MAP4K5: variants seen among roughly 807,000 people sequenced by gnomAD.
The protein encoded by MAP4K5 is mitogen-activated protein kinase kinase kinase kinase 5.
MAP4K5 carries 82 observed loss-of-function variants against 135.6 expected under a neutral mutation model. The observed-to-expected ratio is 0.60, with a 90% CI of 0.51 to 0.73. MAP4K5 has a LOEUF of 0.73. Ranked by LOEUF, MAP4K5 falls within the 30% of genes least tolerant of loss-of-function variation. The pLI, the probability that MAP4K5 is intolerant of heterozygous loss-of-function variation, is 0.00. For missense variants in MAP4K5, 907 were observed against 1,010.9 expected (o/e 0.90, Z 1.39); for synonymous variants, 347 against 335.0 (o/e 1.04, Z -0.39).
intron 2 of MAP4K5, among the ~76,000 whole-genome samples, chr14:50,515,782 C>T (rs974692553): frequency 3.9e-5 from 6 of 152,138 alleles, no homozygotes; most frequent in African/African-American, 1.4e-4. Context: ...CTCACCTATC[C>T]TAACTGATCA....
chr14:50,423,832 G>A (rs1268404551), intron 31 of MAP4K5, among the ~76,000 whole-genome samples: 2 of 152,164 alleles, frequency 1.3e-5, no homozygotes, highest in African/African-American at 2.4e-5. Flanking sequence ...CAAAGTGCCC[G>A]CAGTTTGTAT....
At chr14:50,472,312 T>C (rs554342943) in intron 9 of MAP4K5, 3 of 152,338 alleles carry the variant, frequency 2.0e-5, no homozygotes, top group Admixed American at 1.3e-4. Flanking sequence ...TGAAATAACA[T>C]ACTTCATAGA....
At chr14:50,442,224 A>G (rs757331849) in intron 21 of MAP4K5, among the ~76,000 whole-genome samples, 1 of 152,140 alleles carries the variant, frequency 6.6e-6, no homozygotes, top group Non-Finnish European at 1.5e-5. Context: ...CCTGTAACAC[A>G]AATTCCACAA....
At chr14:50,474,966 C>G (rs979400959) in intron 9 of MAP4K5, 111 bp downstream of exon 9, 3 of 895,470 alleles carry the variant, frequency 3.4e-6, no homozygotes, top group Non-Finnish European at 5.4e-6. Flanking sequence ...TGTCAAAGAG[C>G]ACGCAAATCT....
At chr14:50,501,222 A>G (rs1471206439) in intron 3 of MAP4K5, among the ~76,000 whole-genome samples, 1 of 152,174 alleles carries the variant, frequency 6.6e-6, no homozygotes, top group Non-Finnish European at 1.5e-5. Context: ...AGGCAGGAAG[A>G]GTATAAATAT....
chr14:50,529,930 G>A (rs575443221), intron 2 of MAP4K5, among the ~76,000 whole-genome samples: 1 of 152,302 alleles, frequency 6.6e-6, no homozygotes, highest in African/African-American at 2.4e-5. Context: ...GTCTTGCCCA[G>A]GAGCATTTGG....
At chr14:50,444,963 T>G (rs2036309412) in intron 18 of MAP4K5, 78 bp downstream of exon 18, 2 of 1,434,452 alleles carry the variant, frequency 1.4e-6, no homozygotes, top group African/African-American at 1.4e-5. Flanking sequence ...CTCATTTCAG[T>G]TTTCACTTTG....
chr14:50,559,731 T>A (rs1177782983), intron 1 of MAP4K5: 2 of 155,404 alleles, frequency 1.3e-5, no homozygotes, highest in East Asian at 3.7e-4. Context: ...AACATGACCT[T>A]GCTTTTAAAA....
chr14:50,469,813 T>C (rs1271129887), intron 9 of MAP4K5, among the ~76,000 whole-genome samples: 1 of 152,202 alleles, frequency 6.6e-6, no homozygotes, highest in African/African-American at 2.4e-5. Context: ...AGGGGAAATA[T>C]TCTTTTATCT....
chr14:50,453,647 A>G (rs2036539321), intron 14 of MAP4K5, among the ~76,000 whole-genome samples: 1 of 152,150 alleles, frequency 6.6e-6, no homozygotes, highest in African/African-American at 2.4e-5. Flanking sequence ...AAATAAAGGC[A>G]TTTCTGAACA....
chr14:50,447,517 T>A, intron 15 of MAP4K5, 36 bp from the exon 16 acceptor site: 5 of 1,178,376 alleles, frequency 4.2e-6, no homozygotes, highest in South Asian at 2.8e-5. Context: ...AATGTTACTT[T>A]GTAACAGGTA....
At chr14:50,450,408 T>C (rs1455381226) in intron 14 of MAP4K5, 1 of 151,936 alleles carries the variant, frequency 6.6e-6, no homozygotes, top group Non-Finnish European at 1.5e-5. Flanking sequence ...AGAAGGAAAA[T>C]ACATGGTGGT....
At chr14:50,451,602 T>C (rs543056466) in intron 14 of MAP4K5, among the ~76,000 whole-genome samples, 1 of 152,212 alleles carries the variant, frequency 6.6e-6, no homozygotes, top group East Asian at 1.9e-4. Flanking sequence ...ATGTCATGAA[T>C]TGGGTTATAA....
At chr14:50,488,842 A>G (rs913524788) in intron 3 of MAP4K5, among the ~76,000 whole-genome samples, 1 of 152,172 alleles carries the variant, frequency 6.6e-6, no homozygotes, top group Non-Finnish European at 1.5e-5. Context: ...CTTCACTATT[A>G]TATTATTTGA....
At chr14:50,467,629 T>G (rs1199667483) in intron 10 of MAP4K5, among the ~76,000 whole-genome samples, 1 of 152,116 alleles carries the variant, frequency 6.6e-6, no homozygotes, top group Non-Finnish European at 1.5e-5. Flanking sequence ...CTGAAATGCA[T>G]AATTCTTAGC....
intron 6 of MAP4K5, among the ~76,000 whole-genome samples, chr14:50,478,389 T>C (rs1317366341): frequency 6.6e-6 from 1 of 152,152 alleles, no homozygotes; most frequent in Non-Finnish European, 1.5e-5. Context: ...ATTACTATTT[T>C]TTTTCCTTTC....
upstream of MAP4K5, chr14:50,533,122 AC>A (rs1158688147): frequency 6.6e-6 from 1 of 152,384 alleles, no homozygotes; most frequent in East Asian, 1.9e-4. Flanking sequence ...CCTGCCTTCT[AC>A]TTAGTTCTTC....
chr14:50,468,524 T>A, intron 10 of MAP4K5, 127 bp downstream of exon 10: 1 of 936,890 alleles, frequency 1.1e-6, no homozygotes, highest in Non-Finnish European at 1.6e-6. Context: ...ATGAGATTAC[T>A]CCTAAATCCC....
At chr14:50,449,833 C>A (rs1332770166) in intron 14 of MAP4K5, 1 of 152,096 alleles carries the variant, frequency 6.6e-6, no homozygotes, top group Non-Finnish European at 1.5e-5. Flanking sequence ...TCTTTTGAAA[C>A]AGAGATGAGC....
Sources: allele counts gnomAD v4.1 joint callset (sites outside exome capture counted in the v4.1 genomes callset), GRCh38; gene constraint gnomAD v4.1.1; transcripts MANE v1.5; gene names NCBI Gene and HGNC (gene_info 2026-07-23, HGNC 2026-07-21).